FRMPD4: variants seen among roughly 807,000 people sequenced by gnomAD.
The protein encoded by FRMPD4 is FERM and PDZ domain-containing protein 4.
In FRMPD4, 22 loss-of-function variants were observed where a neutral mutation model predicts 94.1. The ratio of observed to expected loss-of-function variants is 0.23; its 90% CI spans 0.17 to 0.33. The LOEUF (loss-of-function observed/expected upper bound fraction) is 0.33. FRMPD4 is among the 10% of genes least tolerant of loss of function. The pLI is 1.00. For synonymous variants in FRMPD4, 631 were observed against 548.6 expected (o/e 1.15, Z -2.10); for missense variants, 1,111 against 1,339.9 (o/e 0.83, Z 2.67).
chrX:11,929,669 A>G (rs745446947), intron 3 of FRMPD4, among the ~76,000 whole-genome samples: 1 of 112,296 alleles, frequency 8.9e-6, no homozygotes, highest in African/African-American at 3.2e-5. Flanking sequence ...GTGAGGCCCT[A>G]TGCAATGTGC....
intron 1 of FRMPD4, among the ~76,000 whole-genome samples, chrX:11,831,456 A>G (rs1352813354): frequency 1.8e-5 from 2 of 111,633 alleles, no homozygotes; most frequent in Non-Finnish European, 3.8e-5. Flanking sequence ...GAAATGCATG[A>G]ACAGGGGAGT....
chrX:12,181,649 A>T (rs2056359782), intron 1 of FRMPD4, among the ~76,000 whole-genome samples: 1 of 112,023 alleles, frequency 8.9e-6, no homozygotes, highest in Non-Finnish European at 1.9e-5. Context: ...AGGACTGGCT[A>T]CATAAGTTGT....
chrX:11,998,223 A>T (rs986660535), intron 3 of FRMPD4, among the ~76,000 whole-genome samples: 1 of 111,569 alleles, frequency 9.0e-6, no homozygotes, highest in African/African-American at 3.3e-5. Flanking sequence ...CAGATAGTTT[A>T]TGTGTAACTC....
intron 1 of FRMPD4, among the ~76,000 whole-genome samples, chrX:12,459,318 T>A (rs957016965): frequency 5.4e-5 from 6 of 111,101 alleles, no homozygotes; most frequent in Non-Finnish European, 1.9e-5. Context: ...CCCAGCATTA[T>A]TGAAATATAA....
intron 4 of FRMPD4, among the ~76,000 whole-genome samples, chrX:12,644,488 G>A (rs1469394340): frequency 3.6e-5 from 4 of 111,226 alleles, no homozygotes; most frequent in Non-Finnish European, 7.5e-5. Context: ...ACATTTCTGA[G>A]GTCCTAATTG....
At chrX:12,424,332 G>T (rs1323644662) in intron 1 of FRMPD4, among the ~76,000 whole-genome samples, 1 of 112,636 alleles carries the variant, frequency 8.9e-6, no homozygotes, top group Non-Finnish European at 1.9e-5. Flanking sequence ...TTCATTTTCT[G>T]TTGTCACTTT....
intron 3 of FRMPD4, among the ~76,000 whole-genome samples, chrX:12,050,088 A>G (rs1372751607): frequency 1.8e-5 from 2 of 111,376 alleles, no homozygotes; most frequent in African/African-American, 6.5e-5. Context: ...TTGAAGAAAG[A>G]AAAGTATTTT....
At chrX:12,112,433 G>A (rs770078940) in intron 3 of FRMPD4, among the ~76,000 whole-genome samples, 1 of 110,575 alleles carries the variant, frequency 9.0e-6, no homozygotes, top group Non-Finnish European at 1.9e-5. Flanking sequence ...GGGAGGTAGG[G>A]GGAGGGATAA....
chrX:12,707,065 G>C lies in FRMPD4; in HGVS notation c.1287+150G>C, dbSNP rs917119946. 3 of 383,649 alleles carry C rather than the reference G, an allele frequency of 7.8e-6. No homozygotes were observed. In the South Asian group the frequency reaches 2.0e-4, roughly 25 times the overall value. The allele number at this position is 383,649 out of a possible 1,213,427, so 31.6% of individuals were successfully genotyped here. On this transcript the variant is annotated intron_variant, in intron 12 of 16. Transcript: ENST00000675598. ...ACAGTCTGAAAATATCAGAAGAAAT[G>C]TTAAACTAGATAACACCACTGCAGA...
intron 1 of FRMPD4, among the ~76,000 whole-genome samples, chrX:12,386,710 T>C (rs1451200319): frequency 8.9e-6 from 1 of 111,840 alleles, no homozygotes; most frequent in Non-Finnish European, 1.9e-5. Context: ...CAGTGGATGA[T>C]AGAAAAAAGA....
At chrX:12,513,091 A>T (rs1191848232) in intron 2 of FRMPD4, among the ~76,000 whole-genome samples, 1 of 112,009 alleles carries the variant, frequency 8.9e-6, no homozygotes, top group African/African-American at 3.2e-5. Context: ...AATTTGTTTA[A>T]ATTCCTTGTA....
At chrX:12,595,340 C>T (rs1229160058) in intron 2 of FRMPD4, among the ~76,000 whole-genome samples, 1 of 111,341 alleles carries the variant, frequency 9.0e-6, no homozygotes, top group African/African-American at 3.3e-5. Context: ...TAATAAAGGT[C>T]GAAAGCAGTT....
intron 1 of FRMPD4, among the ~76,000 whole-genome samples, chrX:12,261,431 A>G (rs1414588658): frequency 9.0e-6 from 1 of 111,613 alleles, no homozygotes; most frequent in Non-Finnish European, 1.9e-5. Flanking sequence ...ATTTGCATTT[A>G]TCCTCTTAAA....
At chrX:12,702,446 G>A (rs976185404) in intron 10 of FRMPD4, among the ~76,000 whole-genome samples, 16 of 111,741 alleles carry the variant, frequency 1.4e-4, no homozygotes, top group African/African-American at 5.2e-4. Flanking sequence ...CCAGGCAGTG[G>A]GACTCCCCGT....
chrX:12,415,696 C>G (rs2056791182), intron 1 of FRMPD4, among the ~76,000 whole-genome samples: 1 of 111,322 alleles, frequency 9.0e-6, no homozygotes, highest in Admixed American at 9.5e-5. Flanking sequence ...ATTATAATGC[C>G]CAGCATTATA....
intron 1 of FRMPD4, among the ~76,000 whole-genome samples, chrX:11,830,993 C>T (rs1328433591): frequency 9.0e-6 from 1 of 110,620 alleles, no homozygotes; most frequent in Non-Finnish European, 1.9e-5. Context: ...GTTAATTCTT[C>T]ATCTCTAGTA....
chrX:11,997,024 A>G (rs1440097009), intron 3 of FRMPD4, among the ~76,000 whole-genome samples: 1 of 111,130 alleles, frequency 9.0e-6, no homozygotes, highest in East Asian at 2.8e-4. Flanking sequence ...TTCTAAATGG[A>G]CTTCAGTATG....
intron 3 of FRMPD4, among the ~76,000 whole-genome samples, chrX:11,967,054 A>G (rs1169070298): frequency 1.8e-5 from 2 of 110,988 alleles, no homozygotes; most frequent in Non-Finnish European, 3.8e-5. Flanking sequence ...GTAACAGCAA[A>G]AAGAAAAAAG....
At chrX:12,188,131 T>A (rs1321164041) in intron 1 of FRMPD4, among the ~76,000 whole-genome samples, 4 of 111,763 alleles carry the variant, frequency 3.6e-5, no homozygotes, top group African/African-American at 1.3e-4. Context: ...CCCTACAACC[T>A]ATCAGCACCA....
Sources: allele counts gnomAD v4.1 joint callset (sites outside exome capture counted in the v4.1 genomes callset), GRCh38; gene constraint gnomAD v4.1.1; transcripts MANE v1.5; gene names NCBI Gene and HGNC (gene_info 2026-07-23, HGNC 2026-07-21).